NR6A1: variants seen among roughly 807,000 people sequenced by gnomAD.
NR6A1 encodes retinoic acid receptor-related testis-associated receptor.
A neutral mutation model predicts 59.1 loss-of-function variants in NR6A1; 7 were observed. The observed-to-expected ratio is 0.12, with a 90% CI of 0.07 to 0.22. The LOEUF is 0.22. NR6A1 is among the 10% of genes least tolerant of loss of function. NR6A1 has a pLI of 1.00. For missense variants in NR6A1, 468 were observed against 611.6 expected (o/e 0.77, Z 2.48); for synonymous variants, 243 against 236.1 (o/e 1.03, Z -0.27).
At position 124,641,561 on chromosome 9, in the gene NR6A1, A is replaced by G. The variant is rs146092594; in HGVS notation, c.143-86991T>C. Among the ~76,000 whole-genome samples the G allele has an allele frequency of 5.5e-3, 841 of 152,170 alleles. 7 individuals are homozygous for G. The highest frequency in any genetic ancestry group is 0.019 in the African/African-American group (799 of 41,522). ...TACAAAAAATAAAAACTAGCCAAGC[A>G]TGGTGTTGCATGCCTGTAGTCCCAG... On this transcript the variant is annotated intron_variant, in intron 2 of 9. Coordinates refer to ENST00000487099, the MANE Select transcript of NR6A1 (RefSeq NM_033334.4).
intron 2 of NR6A1, among the ~76,000 whole-genome samples, chr9:124,620,838 C>T (rs1836048791): frequency 6.6e-6 from 1 of 151,296 alleles, no homozygotes; most frequent in African/African-American, 2.4e-5. Context: ...TAAAAAGATA[C>T]ATCCTTACAA....
chr9:124,628,073 G>C (rs552891675), intron 2 of NR6A1, among the ~76,000 whole-genome samples: 2 of 152,094 alleles, frequency 1.3e-5, no homozygotes, highest in Non-Finnish European at 2.9e-5. Context: ...CTGCCGCCAG[G>C]CTGGAATGCA....
intron 2 of NR6A1, among the ~76,000 whole-genome samples, chr9:124,724,327 A>G (rs1839650654): frequency 6.6e-6 from 1 of 152,178 alleles, no homozygotes; most frequent in South Asian, 2.1e-4. Context: ...AGTGTTTTCC[A>G]TAGTGAACCA....
At chr9:124,641,319 A>T (rs965760653) in intron 2 of NR6A1, among the ~76,000 whole-genome samples, 1 of 151,114 alleles carries the variant, frequency 6.6e-6, no homozygotes, top group Non-Finnish European at 1.5e-5. Flanking sequence ...AGATCACCCC[A>T]TTGCACTCCA....
intron 2 of NR6A1, among the ~76,000 whole-genome samples, chr9:124,567,175 CA>C (rs1490867383): frequency 1.3e-5 from 2 of 151,628 alleles, no homozygotes; most frequent in African/African-American, 4.8e-5. Flanking sequence ...ATTCTAAAGG[CA>C]ACTACTTAGG....
intron 2 of NR6A1, among the ~76,000 whole-genome samples, chr9:124,631,615 GACAAAAA>G (rs1396390364): frequency 6.6e-6 from 1 of 152,022 alleles, no homozygotes; most frequent in Non-Finnish European, 1.5e-5. Context: ...CTCCCACAAA[GACAAAAA>G]ACTAAAATCT....
chr9:124,525,763 T>C (rs1832918175), intron 8 of NR6A1, among the ~76,000 whole-genome samples: 2 of 152,164 alleles, frequency 1.3e-5, no homozygotes, highest in African/African-American at 4.8e-5. Context: ...ATATTCTATA[T>C]ATAAATCTTA....
chr9:124,526,849 G>C lies in NR6A1; in HGVS notation c.1131C>G (p.His377Gln). 6.2e-7 allele frequency: 1 copy of C among 1,614,090 alleles called. No individual in the cohort carries two copies. The highest frequency in any genetic ancestry group is 8.5e-7 in the Non-Finnish European group (1 of 1,179,974). The change falls in exon 8 of 10, where the codon CAC (histidine) becomes CAG (glutamine). Residue 377 changes from histidine to glutamine, a missense_variant. Around this residue, in one of 4 missense-constraint regions of NR6A1, gnomAD observed 176 missense variants for 264.0 expected, o/e 0.67. Coordinates refer to ENST00000487099, the MANE Select transcript of NR6A1 (RefSeq NM_033334.4). ...TGCTGACCTTTAGCTGATGGAACTTGTGATAGAGGTAGATGAGCCGCTCGA... is the reference window on the plus strand; with the variant it reads ...TGCTGACCTTTAGCTGATGGAACTTCTGATAGAGGTAGATGAGCCGCTCGA... ...EVIERLIYLY[H>Q]KFHQLKVSNE...
At chr9:124,537,482 C>G (rs1054302484) in intron 6 of NR6A1, among the ~76,000 whole-genome samples, 3 of 152,164 alleles carry the variant, frequency 2.0e-5, no homozygotes, top group Non-Finnish European at 4.4e-5. Context: ...TAAGAAATCT[C>G]AGGATACCTT....
In NR6A1 at chr9:124,519,162, C is replaced by A. The variant is rs563599974; in HGVS notation, c.*3543G>T. The A allele has an allele frequency of 6.6e-6, 1 of 152,222 alleles. No individual in the cohort carries two copies. Among genetic ancestry groups the A allele is most frequent in the Non-Finnish European group, 1.5e-5 (1 of 68,056 alleles). 9.4% of individuals were successfully genotyped at this position (152,222 alleles called of 1,614,324 possible). A position where few individuals can be genotyped will look rare whatever the true frequency, so the allele number is the denominator to read the frequency against. ...TACTCACCTCCCTGAAAAAGGGTGGCAGGTGAGAGGCAGGTTGATGTGGAG... is the reference window on the plus strand; with the variant it reads ...TACTCACCTCCCTGAAAAAGGGTGGAAGGTGAGAGGCAGGTTGATGTGGAG... On this transcript the variant is annotated 3_prime_UTR_variant, in exon 10 of 10. Transcript: ENST00000487099.
At chr9:124,531,095 C>A (rs1833085380) in intron 7 of NR6A1, among the ~76,000 whole-genome samples, 1 of 152,204 alleles carries the variant, frequency 6.6e-6, no homozygotes, top group South Asian at 2.1e-4. Flanking sequence ...CATCTCTCTC[C>A]CATTATTGTA....
At chr9:124,663,286 C>A (rs1453673604) in intron 2 of NR6A1, among the ~76,000 whole-genome samples, 1 of 152,166 alleles carries the variant, frequency 6.6e-6, no homozygotes, top group African/African-American at 2.4e-5. Context: ...GTCTTAACCC[C>A]CAAATCTACC....
intron 2 of NR6A1, among the ~76,000 whole-genome samples, chr9:124,563,123 TTGAA>T (rs1283540022): frequency 6.6e-6 from 1 of 152,216 alleles, no homozygotes; most frequent in South Asian, 2.1e-4. Context: ...ACACAATTTG[TTGAA>T]TGAATGAATG....
intron 2 of NR6A1, among the ~76,000 whole-genome samples, chr9:124,647,754 G>GAAAT (rs1238011132): frequency 1.1e-5 from 1 of 87,846 alleles, no homozygotes; most frequent in Non-Finnish European, 2.0e-5. Context: ...AAGAAAGAAA[G>GAAAT]AAAAGAAAAA....
chr9:124,631,177 G>A (rs536824739), intron 2 of NR6A1, among the ~76,000 whole-genome samples: 37 of 152,190 alleles, frequency 2.4e-4, no homozygotes, highest in East Asian at 1.2e-3. Context: ...AGGAATATGC[G>A]TGCTGTACCT....
intron 2 of NR6A1, among the ~76,000 whole-genome samples, chr9:124,567,133 AAG>A (rs1443893586): frequency 1.3e-5 from 2 of 152,196 alleles, no homozygotes; most frequent in African/African-American, 4.8e-5. Flanking sequence ...AATAAAAATA[AAG>A]AGAGGACAAC....
At chr9:124,767,688 T>C (rs1840978483) in intron 1 of NR6A1, among the ~76,000 whole-genome samples, 1 of 152,144 alleles carries the variant, frequency 6.6e-6, no homozygotes, top group Non-Finnish European at 1.5e-5. Context: ...TCATGGGAAA[T>C]ATTTGCCAAT....
At chr9:124,648,037 G>A (rs1588741252) in intron 2 of NR6A1, among the ~76,000 whole-genome samples, 2 of 152,022 alleles carry the variant, frequency 1.3e-5, no homozygotes, top group African/African-American at 4.8e-5. Flanking sequence ...GATGAACACA[G>A]ATGCAAAAAT....
intron 2 of NR6A1, chr9:124,599,308 C>T (rs977702564): frequency 2.7e-6 from 1 of 370,522 alleles, no homozygotes; most frequent in Non-Finnish European, 5.1e-6. Context: ...CTGGGCGTGG[C>T]GGCGGGCGCC....
Sources: allele counts gnomAD v4.1 joint callset (sites outside exome capture counted in the v4.1 genomes callset), GRCh38; gene constraint gnomAD v4.1.1; regional missense constraint gnomAD v4.1.1; transcripts MANE v1.5; gene names NCBI Gene and HGNC (gene_info 2026-07-23, HGNC 2026-07-21).